The following TMEM54 variants were observed in gnomAD, a reference collection of about 807,000 sequenced individuals.
The protein encoded by TMEM54 is transmembrane protein 54.
A neutral mutation model predicts 21.3 loss-of-function variants in TMEM54; 21 were observed. The observed-to-expected ratio is 0.99, with a 90% CI of 0.70 to 1.42. The LOEUF (loss-of-function observed/expected upper bound fraction) is 1.42, where lower values mean the gene tolerates loss of function less well. TMEM54 is among the 40% of genes most tolerant of loss of function. TMEM54 has a pLI of 0.00. For synonymous variants in TMEM54, 109 were observed against 125.0 expected (o/e 0.87, Z 0.86); for missense variants, 246 against 294.0 (o/e 0.84, Z 1.19).
Position 32,901,131 on chromosome 1 carries a change from C to G in TMEM54, c.16+92G>C. ...GTTAGAGGCAGAGCAGGTGGCCTGG[C>G]CCCCTGGGGGCTCGGGTTCCGGGCT... On this transcript the variant is annotated intron_variant, in intron 1 of 5. Coordinates refer to ENST00000373463, the MANE Select transcript of TMEM54 (RefSeq NM_033504.4). The surrounding 1 kb of genome is among the most constrained non-coding windows in gnomAD (Gnocchi z 4.2). 7.6e-7 allele frequency: 1 copy of G among 1,307,912 alleles called. No individual in the cohort carries two copies. Among genetic ancestry groups the G allele is most frequent in the African/African-American group, 1.5e-5 (1 of 66,200 alleles). The allele number at this position is 1,307,912 out of a possible 1,614,324, so 81.0% of individuals were successfully genotyped here.
Position 32,898,189 on chromosome 1 carries a change from A to AG in TMEM54, c.146dup (p.Gln50SerfsTer38). 1 of 1,612,804 alleles carries AG rather than the reference A, an allele frequency of 6.2e-7. No individual in the cohort carries two copies. Among genetic ancestry groups the AG allele is most frequent in the South Asian group, 1.1e-5 (1 of 91,052 alleles). ...AGTACTGCAGAGCCACCGCATCTTG[A>AG]GGGGTGCCCACGTAGCGCAGCACTG... On this transcript the variant is annotated frameshift_variant, in exon 2 of 6. Coordinates refer to ENST00000373463, the MANE Select transcript of TMEM54 (RefSeq NM_033504.4). LOFTEE classifies it high-confidence loss of function.
In TMEM54 at chr1:32,898,591, G is replaced by A. The variant is rs1641654135; in HGVS notation, c.17-272C>T. The A allele has an allele frequency of 7.1e-6, 3 of 424,586 alleles. No homozygotes were observed. The East Asian group carries it at 1.0e-4, about 14-fold the overall frequency. 26.3% of individuals were successfully genotyped at this position (424,586 alleles called of 1,614,324 possible). On this transcript the variant is annotated intron_variant, in intron 1 of 5. Transcript: ENST00000373463. The stretch of plus-strand genomic sequence containing the variant: ...TTGTTAGTGTTCAAGGTCATGAGTG[G>A]GGGGCGCTAGCTCAGGTCTCTAGCT...
At position 32,895,512 on chromosome 1, in the gene TMEM54, C is replaced by T. The variant is rs980653857; in HGVS notation, c.459+43G>A. 5.9e-5 allele frequency: 93 copies of T among 1,589,222 alleles called. No homozygotes were observed. The highest frequency in any genetic ancestry group is 7.1e-5 in the Non-Finnish European group (83 of 1,165,216). ...GTGGATTCCAAGAGCCCTTCCCACC[C>T]GTGCGAGGGCCTGGTGCCCCTACTC... On this transcript the variant is annotated intron_variant, in intron 4 of 5. Coordinates refer to ENST00000373463, the MANE Select transcript of TMEM54 (RefSeq NM_033504.4). This position sits in a 1 kb window ranked among gnomAD's most constrained non-coding sequence, Gnocchi z 5.8.
Position 32,895,837 on chromosome 1 carries a change from A to T in TMEM54, c.270+73T>A. The T allele has an allele frequency of 6.4e-7, 1 of 1,572,258 alleles. No homozygotes were observed. Among genetic ancestry groups the T allele is most frequent in the Non-Finnish European group, 8.6e-7 (1 of 1,159,088 alleles). On this transcript the variant is annotated intron_variant, in intron 3 of 5. Coordinates refer to ENST00000373463, the MANE Select transcript of TMEM54 (RefSeq NM_033504.4). This position sits in a 1 kb window ranked among gnomAD's most constrained non-coding sequence, Gnocchi z 5.8. ...AGGGTCAGCCTTACCCTCTCCAAGG[A>T]GGCCAGGCCCTTGGCGGGTGGCTGC...
At chr1:32,900,335 G>T (rs775306768) in intron 1 of TMEM54, among the ~76,000 whole-genome samples, 4 of 152,172 alleles carry the variant, frequency 2.6e-5, no homozygotes, top group Non-Finnish European at 5.9e-5. Flanking sequence ...TGCCTCCTGG[G>T]CTCAGGTGAT....
At position 32,901,291 on chromosome 1, in the gene TMEM54, G is replaced by C; in HGVS notation, c.-53C>G. The stretch of plus-strand genomic sequence containing the variant: ...GCTTCAGCGCGGCTCCCGAGGCTGC[G>C]GGCCGCCGGGGGACCCTGCTCCCAT... On this transcript the variant is annotated 5_prime_UTR_variant, in exon 1 of 6. Coordinates refer to ENST00000373463, the MANE Select transcript of TMEM54 (RefSeq NM_033504.4). This position sits in a 1 kb window ranked among gnomAD's most constrained non-coding sequence, Gnocchi z 4.2. 1.3e-5 allele frequency: 17 copies of C among 1,301,960 alleles called. No homozygotes were observed. Among genetic ancestry groups the C allele is most frequent in the East Asian group, 3.0e-5 (1 of 33,092 alleles). The allele number at this position is 1,301,960 out of a possible 1,614,324, so 80.7% of individuals were successfully genotyped here.
At chr1:32,898,590 G>T (rs184216508) in intron 1 of TMEM54, 51 of 424,958 alleles carry the variant, frequency 1.2e-4, no homozygotes, top group Admixed American at 7.9e-4. Context: ...GGTCATGAGT[G>T]GGGGGCGCTA....
In TMEM54 at chr1:32,895,226, G is replaced by A. The variant is rs1641556643; in HGVS notation, c.594+79C>T. On this transcript the variant is annotated intron_variant, in intron 5 of 5. Coordinates refer to ENST00000373463, the MANE Select transcript of TMEM54 (RefSeq NM_033504.4). This position sits in a 1 kb window ranked among gnomAD's most constrained non-coding sequence, Gnocchi z 5.8. Reference sequence around the variant, plus strand: ...TCTCAAGGTGGGGGCCCATACATAGGGGTGGGGCAGAGCAGCTTGGGCACC... The same window carrying A: ...TCTCAAGGTGGGGGCCCATACATAGAGGTGGGGCAGAGCAGCTTGGGCACC... 4.6e-6 allele frequency: 7 copies of A among 1,522,406 alleles called. No individual in the cohort carries two copies. The Admixed American group carries it at 1.3e-4, about 29-fold the overall frequency. The allele number at this position is 1,522,406 out of a possible 1,614,324, so 94.3% of individuals were successfully genotyped here.
intron 1 of TMEM54, among the ~76,000 whole-genome samples, chr1:32,900,320 A>G (rs1641696494): frequency 6.6e-6 from 1 of 151,532 alleles, no homozygotes; most frequent in Non-Finnish European, 1.5e-5. Context: ...GCTCACTGAA[A>G]CCTCTGCCTC....
At position 32,895,513 on chromosome 1, in the gene TMEM54, G is replaced by T; in HGVS notation, c.459+42C>A. Reference sequence around the variant, plus strand: ...TGGATTCCAAGAGCCCTTCCCACCCGTGCGAGGGCCTGGTGCCCCTACTCC... The same window carrying T: ...TGGATTCCAAGAGCCCTTCCCACCCTTGCGAGGGCCTGGTGCCCCTACTCC... On this transcript the variant is annotated intron_variant, in intron 4 of 5. Coordinates refer to ENST00000373463, the MANE Select transcript of TMEM54 (RefSeq NM_033504.4). This position sits in a 1 kb window ranked among gnomAD's most constrained non-coding sequence, Gnocchi z 5.8. The T allele has an allele frequency of 6.3e-7, 1 of 1,591,544 alleles. No individual in the cohort carries two copies. Among genetic ancestry groups the T allele is most frequent in the Non-Finnish European group, 8.6e-7 (1 of 1,166,638 alleles).
chr1:32,901,138 G>A lies in TMEM54; in HGVS notation c.16+85C>T. On this transcript the variant is annotated intron_variant, in intron 1 of 5. Coordinates refer to ENST00000373463, the MANE Select transcript of TMEM54 (RefSeq NM_033504.4). This position sits in a 1 kb window ranked among gnomAD's most constrained non-coding sequence, Gnocchi z 4.2. The stretch of plus-strand genomic sequence containing the variant: ...GCAGAGCAGGTGGCCTGGCCCCCTG[G>A]GGGCTCGGGTTCCGGGCTCAGTGCT... 7.5e-7 allele frequency: 1 copy of A among 1,337,952 alleles called. No homozygotes were observed. Among genetic ancestry groups the A allele is most frequent in the Non-Finnish European group, 9.7e-7 (1 of 1,027,602 alleles). 82.9% of individuals were successfully genotyped at this position (1,337,952 alleles called of 1,614,324 possible). A position where few individuals can be genotyped will look rare whatever the true frequency, so the allele number is the denominator to read the frequency against.
Position 32,895,917 on chromosome 1 carries a change from G to T in TMEM54, c.263C>A (p.Thr88Asn), listed in dbSNP as rs759478440. 1.9e-6 allele frequency: 3 copies of T among 1,613,148 alleles called. No homozygotes were observed. The highest frequency in any genetic ancestry group is 1.7e-6 in the Non-Finnish European group (2 of 1,179,594). Residue 88 changes from threonine to asparagine, a missense_variant, in exon 3 of 6, where the codon ACC (threonine) becomes AAC (asparagine). Transcript: ENST00000373463. This position sits in a 1 kb window ranked among gnomAD's most constrained non-coding sequence, Gnocchi z 5.8. ...AIVLSRYLPSTPLRWTVFSSS... is the reference protein window; with the variant it reads ...AIVLSRYLPSNPLRWTVFSSS... Reference sequence around the variant, plus strand: ...CCAGGAGGCACCACGTACCAGGGGGGTGCTAGGGAGGTAGCGTGACAACAC... The same window carrying T: ...CCAGGAGGCACCACGTACCAGGGGGTTGCTAGGGAGGTAGCGTGACAACAC...
chr1:32,896,061 C>G lies in TMEM54; in HGVS notation c.211-92G>C. On this transcript the variant is annotated intron_variant, in intron 2 of 5. Transcript: ENST00000373463. This position sits in a 1 kb window ranked among gnomAD's most constrained non-coding sequence, Gnocchi z 4.1. ...CACTCTGGGATAATGATCTCACCGG[C>G]GCCAACCATTGCCCTCCAGACTCCC... 7.1e-7 allele frequency: 1 copy of G among 1,408,144 alleles called. No individual in the cohort carries two copies. Among genetic ancestry groups the G allele is most frequent in the Non-Finnish European group, 9.6e-7 (1 of 1,038,810 alleles). 87.2% of individuals were successfully genotyped at this position (1,408,144 alleles called of 1,614,324 possible).
rs1192244047 is a variant in TMEM54 at position 32,895,710 on chromosome 1, C to T, written c.304G>A (p.Ala102Thr). 1 of 1,559,648 alleles carries T rather than the reference C, an allele frequency of 6.4e-7. No homozygotes were observed. The highest frequency in any genetic ancestry group is 2.4e-5 in the East Asian group (1 of 41,824). Reference protein sequence around the residue: ...WTVFSSSVACALLSLTCALGL... With the variant: ...WTVFSSSVACTLLSLTCALGL... ...AGGGCACAGGTCAGAGAAAGGAGAGCACAGGCCACGCTCGAGCTAAACACT... is the reference window on the plus strand; with the variant it reads ...AGGGCACAGGTCAGAGAAAGGAGAGTACAGGCCACGCTCGAGCTAAACACT... Residue 102 changes from alanine (A) to threonine (T), a missense_variant, in exon 4 of 6, where the codon GCT becomes ACT. Coordinates refer to ENST00000373463, the MANE Select transcript of TMEM54 (RefSeq NM_033504.4). The surrounding 1 kb of genome is among the most constrained non-coding windows in gnomAD (Gnocchi z 5.8).
Position 32,897,873 on chromosome 1 carries a change from A to G in TMEM54, c.210+253T>C. ...GTGGGTGCTAACAACATGCCATGCC[A>G]GACACTCTGCTAAGCACTTTGTGTG... is the stretch of plus-strand genomic sequence containing the variant. On this transcript the variant is annotated intron_variant, in intron 2 of 5. Transcript: ENST00000373463. The surrounding 1 kb of genome is among the most constrained non-coding windows in gnomAD (Gnocchi z 4.9). 2.4e-6 allele frequency: 1 copy of G among 421,988 alleles called. No individual in the cohort carries two copies. Among genetic ancestry groups the G allele is most frequent in the East Asian group, 3.5e-5 (1 of 28,650 alleles). The allele number at this position is 421,988 out of a possible 1,614,324, so 26.1% of individuals were successfully genotyped here.
At position 32,896,741 on chromosome 1, in the gene TMEM54, G is replaced by A. The variant is rs1020820146; in HGVS notation, c.211-772C>T. ...TTCCTCACTGGACCAGGCTTGGGCCGGACCCATCTGAGGCAGGTGGTATGA... is the reference window on the plus strand; with the variant it reads ...TTCCTCACTGGACCAGGCTTGGGCCAGACCCATCTGAGGCAGGTGGTATGA... On this transcript the variant is annotated intron_variant, in intron 2 of 5. Transcript: ENST00000373463. This position sits in a 1 kb window ranked among gnomAD's most constrained non-coding sequence, Gnocchi z 4.1. 3.3e-5 allele frequency among the ~76,000 whole-genome samples: 5 copies of A among 152,242 alleles called. No individual in the cohort carries two copies. The highest frequency in any genetic ancestry group is 1.9e-4 in the East Asian group (1 of 5,196).
In TMEM54 at chr1:32,896,421, G is replaced by A. The variant is rs1557545763; in HGVS notation, c.211-452C>T. 6.5e-6 allele frequency: 1 copy of A among 154,782 alleles called. No homozygotes were observed. The highest frequency in any genetic ancestry group is 1.4e-5 in the Non-Finnish European group (1 of 69,888). The allele number at this position is 154,782 out of a possible 1,614,324, so 9.6% of individuals were successfully genotyped here. On this transcript the variant is annotated intron_variant, in intron 2 of 5. Transcript: ENST00000373463. The surrounding 1 kb of genome is among the most constrained non-coding windows in gnomAD (Gnocchi z 4.1). ...CTGGGAGTATTTTCAATGATTCCAG[G>A]CTCTCAGTGACCAGATCCCAGCCCC...
intron 1 of TMEM54, among the ~76,000 whole-genome samples, chr1:32,898,866 G>C (rs918033103): frequency 1.3e-5 from 2 of 152,150 alleles, no homozygotes; most frequent in African/African-American, 4.8e-5. Flanking sequence ...CCCAGAGCCA[G>C]GTGACTTGGG....
rs1196720432 is a variant in TMEM54 at position 32,894,715 on chromosome 1, C to T, written c.*90G>A. The T allele has an allele frequency of 5.6e-5, 87 of 1,551,986 alleles. No homozygotes were observed. The South Asian group carries it at 9.2e-4, about 16-fold the overall frequency. On this transcript the variant is annotated 3_prime_UTR_variant, in exon 6 of 6. Transcript: ENST00000373463. ...TCCCCGAGGGTCCATTGAGCCCTCT[C>T]AGGCCAGCTCCAGGAATCCTGGCCT...
Sources: allele counts gnomAD v4.1 joint callset (sites outside exome capture counted in the v4.1 genomes callset), GRCh38; gene constraint gnomAD v4.1.1; non-coding constraint Gnocchi (gnomAD v3.1); transcripts MANE v1.5; gene names NCBI Gene and HGNC (gene_info 2026-07-23, HGNC 2026-07-21).